The following EYS variants were observed in gnomAD, a reference collection of about 807,000 sequenced individuals.
EYS encodes EGF-like photoreceptor maintenance factor, also known as protein eyes shut homolog.
Under a neutral mutation model 282.1 loss-of-function variants are expected in EYS, and 250 were observed. The observed-to-expected ratio is 0.89, with a 90% CI of 0.80 to 0.98. The LOEUF is 0.98. Among genes scored for constraint, EYS ranks in the 50% least tolerant of loss-of-function variants. The pLI, the probability that EYS is intolerant of heterozygous loss-of-function variation, is 0.00. For missense variants in EYS, 4,016 were observed against 3,709.0 expected, an observed-to-expected ratio of 1.08 and a Z score of -2.15; for synonymous variants, 1,355 against 1,282.9, an observed-to-expected ratio of 1.06 and a Z score of -1.20.
chr6:64,294,628 C>T (rs1768840279), intron 30 of EYS, among the ~76,000 whole-genome samples: 1 of 152,168 alleles, frequency 6.6e-6, no homozygotes, highest in Non-Finnish European at 1.5e-5. Flanking sequence ...CTTCAATTCT[C>T]ATAGTGTCAT....
intron 26 of EYS, among the ~76,000 whole-genome samples, chr6:64,582,621 A>C (rs1481643216): frequency 6.8e-6 from 1 of 146,804 alleles, no homozygotes; most frequent in East Asian, 2.0e-4. Context: ...TTCCAAGGTC[A>C]TGTACCACTG....
At chr6:63,724,791 T>A (rs540318072) in intron 42 of EYS, among the ~76,000 whole-genome samples, 2 of 152,270 alleles carry the variant, frequency 1.3e-5, no homozygotes, top group African/African-American at 4.8e-5. Flanking sequence ...GAATTTGGTT[T>A]TCAATATGTG....
intron 19 of EYS, among the ~76,000 whole-genome samples, chr6:64,854,568 A>G (rs1422288529): frequency 7.2e-6 from 1 of 137,964 alleles, no homozygotes. Flanking sequence ...CAGGAAGGGG[A>G]ACATCACACA....
intron 26 of EYS, among the ~76,000 whole-genome samples, chr6:64,583,621 C>A (rs1450138744): frequency 1.3e-5 from 2 of 152,078 alleles, no homozygotes; most frequent in East Asian, 1.9e-4. Context: ...CATGGAGAAA[C>A]CCCATCTCTA....
chr6:65,044,149 G>A (rs781028379), intron 13 of EYS, among the ~76,000 whole-genome samples: 13 of 151,822 alleles, frequency 8.6e-5, no homozygotes, highest in African/African-American at 2.2e-4. Context: ...GTGATACTGA[G>A]CATTTTTAAA....
intron 12 of EYS, 122 bp downstream of exon 12, chr6:65,295,741 A>G: frequency 1.1e-6 from 1 of 917,408 alleles, no homozygotes; most frequent in South Asian, 1.7e-5. Context: ...TTGCCAAATA[A>G]GAAATGAGAC....
intron 28 of EYS, among the ~76,000 whole-genome samples, chr6:64,424,867 A>G (rs1054138067): frequency 6.6e-6 from 1 of 152,224 alleles, no homozygotes; most frequent in Non-Finnish European, 1.5e-5. Context: ...AGTAGGTGCT[A>G]TAACAGATAA....
At chr6:64,634,982 A>G (rs1038517598) in intron 22 of EYS, among the ~76,000 whole-genome samples, 3 of 151,968 alleles carry the variant, frequency 2.0e-5, no homozygotes, top group African/African-American at 7.3e-5. Context: ...ATTTGTTTGT[A>G]TCCTCTTTTA....
At chr6:64,701,231 T>G (rs993807781) in intron 22 of EYS, among the ~76,000 whole-genome samples, 3 of 152,106 alleles carry the variant, frequency 2.0e-5, no homozygotes, top group Admixed American at 1.3e-4. Context: ...TAAGATTAAT[T>G]AAAGATTTAA....
chr6:64,898,737 C>T (rs907645169), intron 18 of EYS, among the ~76,000 whole-genome samples: 4 of 144,828 alleles, frequency 2.8e-5, no homozygotes, highest in Non-Finnish European at 4.6e-5. Flanking sequence ...CATATAAGCT[C>T]AAAATAAAGG....
chr6:64,376,093 C>G (rs1772554920), intron 29 of EYS, among the ~76,000 whole-genome samples: 1 of 152,130 alleles, frequency 6.6e-6, no homozygotes, highest in Non-Finnish European at 1.5e-5. Context: ...TCTATCATTT[C>G]AAAGAGTATG....
In EYS at chr6:65,324,898, T is replaced by C. The variant is rs181703269; in HGVS notation, c.1766+10082A>G. 7.9e-4 allele frequency among the ~76,000 whole-genome samples: 120 copies of C among 152,336 alleles called. 1 individual carries two copies. Among genetic ancestry groups the C allele is most frequent in the Middle Eastern group, 3.4e-3 (1 of 294 alleles). On this transcript the variant is annotated intron_variant, in intron 11 of 42. Coordinates refer to ENST00000503581, the MANE Select transcript of EYS (RefSeq NM_001142800.2). ...AGAGATTTTTGAAAGAGCTAGATAC[T>C]GTATCTCTGGGATTAAAGTGACAAA...
intron 37 of EYS, among the ~76,000 whole-genome samples, chr6:63,795,977 G>C (rs538576104): frequency 6.6e-6 from 1 of 152,040 alleles, no homozygotes; most frequent in Non-Finnish European, 1.5e-5. Flanking sequence ...AATTAGAAGT[G>C]GTCTAATTAG....
chr6:64,148,067 T>C lies in EYS; in HGVS notation c.6425-66065A>G, dbSNP rs1014763044. ...GGTTTAAAATGTTGTTTCTTGCTTATGAATTTTTTTGTTTATCATATTTTT... is the reference window on the plus strand; with the variant it reads ...GGTTTAAAATGTTGTTTCTTGCTTACGAATTTTTTTGTTTATCATATTTTT... On this transcript the variant is annotated intron_variant, in intron 31 of 42. Coordinates refer to ENST00000503581, the MANE Select transcript of EYS (RefSeq NM_001142800.2). Among the ~76,000 whole-genome samples the C allele has an allele frequency of 2.0e-5, 3 of 152,182 alleles. No homozygotes were observed. The South Asian group carries it at 6.2e-4, about 31-fold the overall frequency.
chr6:63,828,093 G>A (rs991784545), intron 36 of EYS, among the ~76,000 whole-genome samples: 4 of 152,108 alleles, frequency 2.6e-5, no homozygotes, highest in Non-Finnish European at 5.9e-5. Context: ...CAAAGACAGT[G>A]CTATAAGGAA....
chr6:64,228,810 T>C (rs1351479066), intron 31 of EYS, among the ~76,000 whole-genome samples: 1 of 152,118 alleles, frequency 6.6e-6, no homozygotes, highest in Non-Finnish European at 1.5e-5. Context: ...AAATCCTCCA[T>C]TGTTTTTTTC....
chr6:64,005,211 A>G (rs1370974322), intron 33 of EYS, among the ~76,000 whole-genome samples: 2 of 152,168 alleles, frequency 1.3e-5, no homozygotes, highest in East Asian at 3.9e-4. Flanking sequence ...TTCTATAATA[A>G]TTAGTGATGT....
chr6:64,026,435 C>T lies in EYS; in HGVS notation c.6726-27252G>A, dbSNP rs574423014. ...ATTGGGACCAATTTGACCTATAAAC[C>T]CTGAAAAAGAGGCAGCTCATTTTGT... is the stretch of plus-strand genomic sequence containing the variant. On this transcript the variant is annotated intron_variant, in intron 33 of 42. Coordinates refer to ENST00000503581, the MANE Select transcript of EYS (RefSeq NM_001142800.2). 5.9e-5 allele frequency among the ~76,000 whole-genome samples: 9 copies of T among 152,156 alleles called. 1 individual carries two copies. The highest frequency in any genetic ancestry group is 1.9e-4 in the African/African-American group (8 of 41,512).
Position 64,437,014 on chromosome 6 carries a change from C to T in EYS, c.5836-749G>A, listed in dbSNP as rs1774773649. Among the ~76,000 whole-genome samples the T allele has an allele frequency of 2.0e-5, 3 of 151,622 alleles. No individual in the cohort carries two copies. In the East Asian group the frequency reaches 5.8e-4, roughly 29 times the overall value. On this transcript the variant is annotated intron_variant, in intron 27 of 42. Transcript: ENST00000503581. ...CTTGCATTGTGTTTCATAACTTGTG[C>T]CCCTAGCTGTATTTAAGTTGATATA...
Sources: gnomAD v4.1 joint callset for allele counts (sites outside exome capture counted in the v4.1 genomes callset) on GRCh38, gnomAD v4.1.1 for gene constraint, MANE v1.5 for transcripts, NCBI Gene and HGNC (gene_info 2026-07-23, HGNC 2026-07-21) for gene names.